STARD9: variants seen among roughly 807,000 people sequenced by gnomAD.
The protein encoded by STARD9 is StAR related lipid transfer domain containing 9.
A neutral mutation model predicts 399.8 loss-of-function variants in STARD9; 346 were observed. The ratio of observed to expected loss-of-function variants is 0.87; its 90% CI spans 0.79 to 0.95. The LOEUF (loss-of-function observed/expected upper bound fraction) is 0.95. STARD9 is among the 40% of genes least tolerant of loss of function. The pLI is 0.00. For synonymous variants in STARD9, 2,203 were observed against 2,143.5 expected, an observed-to-expected ratio of 1.03 and a Z score of -0.77; for missense variants, 5,832 against 5,667.5, an observed-to-expected ratio of 1.03 and a Z score of -0.93.
chr15:42,648,248 C>T (rs766245191), intron 7 of STARD9, among the ~76,000 whole-genome samples: 7 of 152,080 alleles, frequency 4.6e-5, no homozygotes, highest in Non-Finnish European at 5.9e-5. Flanking sequence ...CTGCAACCTC[C>T]GCCTCCTGGG....
intron 3 of STARD9, among the ~76,000 whole-genome samples, chr15:42,632,897 C>G (rs1324324701): frequency 6.6e-6 from 1 of 152,068 alleles, no homozygotes; most frequent in South Asian, 2.1e-4. Context: ...AATCCCAGCA[C>G]TTTGGGAGGC....
chr15:42,594,010 T>C (rs2058455863), intron 3 of STARD9, among the ~76,000 whole-genome samples: 1 of 152,190 alleles, frequency 6.6e-6, no homozygotes, highest in Non-Finnish European at 1.5e-5. Context: ...CACAATATAC[T>C]GAACATCAAA....
In STARD9 at chr15:42,692,210, C is replaced by T. The variant is rs2060725248; in HGVS notation, c.10632C>T (p.Ser3544=). The part of the protein sequence containing the change: ...NICDLSTTHS[S]TENAQGSNEA... ...GTGATCTGTCAACCACACACAGCAGCACTGAGAATGCCCAGGGTTCAAATG... is the reference window on the plus strand; with the variant it reads ...GTGATCTGTCAACCACACACAGCAGTACTGAGAATGCCCAGGGTTCAAATG... The change falls in exon 23 of 33, where the codon AGC becomes AGT. Residue 3544 remains serine (S), a synonymous_variant. Coordinates refer to ENST00000290607, the MANE Select transcript of STARD9 (RefSeq NM_020759.3). 3 of 1,537,124 alleles carry T rather than the reference C, an allele frequency of 2.0e-6. No homozygotes were observed. The East Asian group carries it at 7.3e-5, about 38-fold the overall frequency.
intron 6 of STARD9, 129 bp from the exon 7 acceptor site, chr15:42,638,571 C>A: frequency 1.7e-6 from 1 of 601,486 alleles, no homozygotes; most frequent in Non-Finnish European, 2.9e-6. Flanking sequence ...GGAACCTTGG[C>A]TTGATCATTG....
chr15:42,651,031 T>G lies in STARD9; in HGVS notation c.575T>G (p.Val192Gly). ...GPYVQGLSQH[V>G]VTNYKQVIQL... ...AATCCGATAGGTTTATCTCAACATG[T>G]AGTTACCAATTATAAGCAAGTAATC... Residue 192 changes from valine (V) to glycine (G), a missense_variant, in exon 8 of 33, where the codon GTA (valine) becomes GGA (glycine). By Grantham distance (109) the Val-to-Gly change is moderately radical (BLOSUM62 -3). This residue lies in a region of STARD9 where 5,828 missense variants were observed against 5,651.1 expected (regional missense o/e 1.03). Coordinates refer to ENST00000290607, the MANE Select transcript of STARD9 (RefSeq NM_020759.3). 1.3e-6 allele frequency: 2 copies of G among 1,533,338 alleles called. No homozygotes were observed. The highest frequency in any genetic ancestry group is 1.7e-6 in the Non-Finnish European group (2 of 1,144,104). 95.0% of individuals were successfully genotyped at this position (1,533,338 alleles called of 1,614,324 possible).
At chr15:42,676,021 T>C in intron 20 of STARD9, 46 bp downstream of exon 20, 2 of 1,418,602 alleles carry the variant, frequency 1.4e-6, no homozygotes, top group Non-Finnish European at 1.9e-6. Flanking sequence ...CTGGGTTCGC[T>C]TCTTAGTCCA....
At chr15:42,695,421 C>T in intron 25 of STARD9, 98 bp downstream of exon 25, 2 of 1,182,008 alleles carry the variant, frequency 1.7e-6, no homozygotes, top group Non-Finnish European at 2.3e-6. Flanking sequence ...ACATACGTAA[C>T]ATTTGGAGGA....
chr15:42,595,154 G>A (rs764679914), intron 3 of STARD9, among the ~76,000 whole-genome samples: 1 of 152,128 alleles, frequency 6.6e-6, no homozygotes, highest in African/African-American at 2.4e-5. Context: ...ACTGAGGAGG[G>A]ACCTTTGAGG....
intron 3 of STARD9, among the ~76,000 whole-genome samples, chr15:42,622,293 A>G (rs1475134925): frequency 1.3e-5 from 2 of 152,156 alleles, no homozygotes; most frequent in Non-Finnish European, 2.9e-5. Context: ...AAGAAAAAGA[A>G]TAATGAAAAA....
At chr15:42,664,217 A>G (rs1243288882) in intron 13 of STARD9, among the ~76,000 whole-genome samples, 1 of 151,944 alleles carries the variant, frequency 6.6e-6, no homozygotes, top group Non-Finnish European at 1.5e-5. Context: ...TTATTTTATT[A>G]TTTTATTTTT....
At chr15:42,585,671 T>C (rs1256762430) in intron 3 of STARD9, 34 bp downstream of exon 3, 1 of 1,325,068 alleles carries the variant, frequency 7.5e-7, no homozygotes, top group Admixed American at 2.0e-5. Context: ...TTCACCTCAG[T>C]TCTTTTTTTA....
chr15:42,639,194 G>T (rs2141938779), intron 7 of STARD9, among the ~76,000 whole-genome samples: 1 of 152,350 alleles, frequency 6.6e-6, no homozygotes, highest in South Asian at 2.1e-4. Context: ...ACGTAACGTG[G>T]TGAGAAGTGT....
intron 12 of STARD9, 72 bp from the exon 13 acceptor site, chr15:42,663,748 G>A: frequency 8.6e-7 from 1 of 1,164,512 alleles, no homozygotes; most frequent in Non-Finnish European, 1.2e-6. Context: ...ATGGGCAGTA[G>A]TAACAAGGCA....
chr15:42,599,293 C>T (rs1451664694), intron 3 of STARD9, among the ~76,000 whole-genome samples: 1 of 152,156 alleles, frequency 6.6e-6, no homozygotes, highest in East Asian at 1.9e-4. Flanking sequence ...CATACTGTTT[C>T]AGAAAGTTTC....
At position 42,628,364 on chromosome 15, in the gene STARD9, G is replaced by A. The variant is rs114824872; in HGVS notation, c.235-6492G>A. On this transcript the variant is annotated intron_variant, in intron 3 of 32. Coordinates refer to ENST00000290607, the MANE Select transcript of STARD9 (RefSeq NM_020759.3). ...AGATGGATAGTTTGCAGATATATTC[G>A]CCTGTTCTGTGGGTTGTCACTTCAC... Among the ~76,000 whole-genome samples the A allele has an allele frequency of 3.2e-3, 491 of 152,062 alleles. 5 individuals are homozygous for A. The highest frequency in any genetic ancestry group is 0.014 in the Middle Eastern group (4 of 294).
In STARD9 at chr15:42,693,095, T is replaced by G. The variant is rs1201698805; in HGVS notation, c.11517T>G (p.Asp3839Glu). The stretch of plus-strand genomic sequence containing the variant: ...CTTCTGTGAGCCCCTCAGTTTCTGA[T>G]GCTTTCCTGCCTCCCAGCTCCCAGC... ...HLPSVSPSVS[D>E]AFLPPSSQPE... is the part of the protein sequence containing the mutation. The change falls in exon 23 of 33, where the codon GAT becomes GAG. Residue 3839 changes from aspartate to glutamate, a missense_variant. Transcript: ENST00000290607. The G allele has an allele frequency of 3.3e-6, 5 of 1,536,994 alleles. No homozygotes were observed. The highest frequency in any genetic ancestry group is 4.4e-6 in the Non-Finnish European group (5 of 1,146,876).
Position 42,693,335 on chromosome 15 carries a change from C to T in STARD9, c.11757C>T (p.Thr3919=). The part of the protein sequence containing the change: ...QEPGLSPGSL[T]LSAPSTHPVE... ...CGGGTCTTTCCCCAGGCTCTTTGAC[C>T]CTCTCAGCCCCTTCAACTCACCCTG... The change falls in exon 23 of 33, where the codon ACC becomes ACT. Residue 3919 remains threonine (T), a synonymous_variant. Transcript: ENST00000290607. 1.3e-6 allele frequency: 2 copies of T among 1,537,130 alleles called. No homozygotes were observed. Among genetic ancestry groups the T allele is most frequent in the East Asian group, 2.4e-5 (1 of 40,900 alleles).
chr15:42,719,861 T>G lies in STARD9; in HGVS notation c.*287T>G, dbSNP rs908990284. 3.0e-6 allele frequency: 1 copy of G among 328,220 alleles called. No individual in the cohort carries two copies. Among genetic ancestry groups the G allele is most frequent in the South Asian group, 5.2e-5 (1 of 19,202 alleles). The allele number at this position is 328,220 out of a possible 1,614,324, so 20.3% of individuals were successfully genotyped here. On this transcript the variant is annotated 3_prime_UTR_variant, in exon 33 of 33. Transcript: ENST00000290607. Reference sequence around the variant, plus strand: ...TTGGATTTCTCACCTTTCTTTCCTGTTTCTGGGACTCTGCGGCAGACAGGA... The same window carrying G: ...TTGGATTTCTCACCTTTCTTTCCTGGTTCTGGGACTCTGCGGCAGACAGGA...
At position 42,692,192 on chromosome 15, in the gene STARD9, G is replaced by C. The variant is rs1267281866; in HGVS notation, c.10614G>C (p.Leu3538=). 5 of 1,536,944 alleles carry C rather than the reference G, an allele frequency of 3.3e-6. No individual in the cohort carries two copies. The highest frequency in any genetic ancestry group is 4.4e-6 in the Non-Finnish European group (5 of 1,146,906). ...HLSTYANICD[L]STTHSSTENA... ...GCACTTACGCCAATATTTGTGATCT[G>C]TCAACCACACACAGCAGCACTGAGA... Residue 3538 remains leucine (L), a synonymous_variant, in exon 23 of 33, where the codon CTG becomes CTC. Coordinates refer to ENST00000290607, the MANE Select transcript of STARD9 (RefSeq NM_020759.3).
Sources: gnomAD v4.1 joint callset for allele counts (sites outside exome capture counted in the v4.1 genomes callset) on GRCh38, gnomAD v4.1.1 for gene constraint, gnomAD v4.1.1 regional missense constraint, MANE v1.5 for transcripts, NCBI Gene and HGNC (gene_info 2026-07-23, HGNC 2026-07-21) for gene names.